Variants in FARS2 observed in about 807,000 individuals in gnomAD.
FARS2 encodes phenylalanine--tRNA ligase, mitochondrial.
A neutral mutation model predicts 46.4 loss-of-function variants in FARS2; 40 were observed. The observed-to-expected ratio is 0.86, with a 90% confidence interval of 0.67 to 1.12. The LOEUF (loss-of-function observed/expected upper bound fraction) is 1.12, where lower values mean the gene tolerates loss of function less well. FARS2 is among the 50% of genes most tolerant of loss of function. The probability of loss-of-function intolerance (pLI) is 0.00; values close to 1 mark genes in which losing one functional copy is unlikely to be tolerated. For synonymous variants in FARS2, 234 were observed against 214.9 expected (o/e 1.09, Z -0.78); for missense variants, 513 against 567.9 (o/e 0.90, Z 0.98).
intron 6 of FARS2, among the ~76,000 whole-genome samples, chr6:5,686,856 A>G (rs1184623495): frequency 6.6e-5 from 10 of 152,204 alleles, no homozygotes; most frequent in Non-Finnish European, 1.3e-4. Context: ...CATCCTCTCC[A>G]GCACCTGTTG....
chr6:5,725,671 C>T (rs1414096728), intron 6 of FARS2, among the ~76,000 whole-genome samples: 1 of 152,210 alleles, frequency 6.6e-6, no homozygotes, highest in Non-Finnish European at 1.5e-5. Context: ...CATGGTGGCT[C>T]ACACCTGTAA....
intron 4 of FARS2, among the ~76,000 whole-genome samples, chr6:5,540,610 G>T (rs776326023): frequency 6.6e-6 from 1 of 152,222 alleles, no homozygotes; most frequent in Non-Finnish European, 1.5e-5. Flanking sequence ...CTTCTCATTA[G>T]CACAGATATA....
chr6:5,695,756 A>G (rs1758063081), intron 6 of FARS2, among the ~76,000 whole-genome samples: 2 of 152,348 alleles, frequency 1.3e-5, no homozygotes, highest in South Asian at 4.1e-4. Context: ...CCATAAAGGA[A>G]AAGAGTGATT....
chr6:5,256,116 T>C (rs1339687645), upstream of FARS2, among the ~76,000 whole-genome samples: 2 of 151,836 alleles, frequency 1.3e-5, no homozygotes, highest in African/African-American at 4.8e-5. Flanking sequence ...GTGAGAAAAT[T>C]AGTGGCTACG....
intron 6 of FARS2, among the ~76,000 whole-genome samples, chr6:5,744,155 G>A (rs1426650031): frequency 6.6e-6 from 1 of 152,202 alleles, no homozygotes; most frequent in Non-Finnish European, 1.5e-5. Flanking sequence ...TCACTCTGGA[G>A]AGAGAAGCCT....
chr6:5,533,968 G>A (rs1770023637), intron 4 of FARS2, among the ~76,000 whole-genome samples: 1 of 152,226 alleles, frequency 6.6e-6, no homozygotes, highest in African/African-American at 2.4e-5. Flanking sequence ...CCTTAAGGAA[G>A]ATTTAGAATA....
intron 6 of FARS2, among the ~76,000 whole-genome samples, chr6:5,696,207 G>A (rs1214544024): frequency 6.6e-6 from 1 of 152,132 alleles, no homozygotes; most frequent in African/African-American, 2.4e-5. Context: ...TTTAATATAG[G>A]TATTCAAAGA....
At chr6:5,485,049 G>C (rs73356312) in intron 4 of FARS2, among the ~76,000 whole-genome samples, 8,523 of 152,180 alleles carry the variant, frequency 0.056, 815 homozygotes, top group African/African-American at 0.2. Flanking sequence ...TCCTCCCAAA[G>C]AGGGAGAAAG....
chr6:5,537,126 C>A (rs977476956), intron 4 of FARS2, among the ~76,000 whole-genome samples: 3 of 152,160 alleles, frequency 2.0e-5, no homozygotes, highest in African/African-American at 7.2e-5. Context: ...AAGTACACTG[C>A]TGCTTGCATA....
chr6:5,559,039 A>T lies in FARS2; in HGVS notation c.1065+13699A>T, dbSNP rs184685709. On this transcript the variant is annotated intron_variant, in intron 5 of 6. Transcript: ENST00000274680. ...GGATTTAACTTGCTGATAAAAATGT[A>T]GAACTGTGTGCCTACCAGCCAGCTA... Among the ~76,000 whole-genome samples, 23 of 152,274 alleles carry T rather than the reference A, an allele frequency of 1.5e-4. No individual in the cohort carries two copies. The East Asian group carries it at 4.2e-3, about 28-fold the overall frequency.
chr6:5,749,315 G>T (rs560291075), intron 6 of FARS2, among the ~76,000 whole-genome samples: 15 of 152,360 alleles, frequency 9.8e-5, no homozygotes, highest in African/African-American at 3.6e-4. Context: ...AGCATTTTCA[G>T]CAGGGTGTGA....
intron 5 of FARS2, among the ~76,000 whole-genome samples, chr6:5,546,728 C>T (rs1285131022): frequency 6.6e-6 from 1 of 151,136 alleles, no homozygotes. Flanking sequence ...CTTTGGGTTG[C>T]TCATCTTTTT....
intron 2 of FARS2, among the ~76,000 whole-genome samples, chr6:5,395,087 G>C (rs1175586883): frequency 1.3e-5 from 2 of 152,128 alleles, no homozygotes; most frequent in Non-Finnish European, 2.9e-5. Context: ...GTCTCGCTCT[G>C]TCACCCAGGC....
At chr6:5,591,193 A>G (rs1773899605) in intron 5 of FARS2, among the ~76,000 whole-genome samples, 4 of 152,208 alleles carry the variant, frequency 2.6e-5, no homozygotes, top group Admixed American at 2.0e-4. Flanking sequence ...AAAGTTATAA[A>G]TTAATTTCCT....
chr6:5,479,644 A>G (rs6930663), intron 4 of FARS2, among the ~76,000 whole-genome samples: 18,107 of 152,260 alleles, frequency 0.12, 1,775 homozygotes, highest in African/African-American at 0.27. Flanking sequence ...TTACAGCTCA[A>G]ATCTCTGCAT....
At chr6:5,600,925 A>T (rs1774472509) in intron 5 of FARS2, among the ~76,000 whole-genome samples, 1 of 152,180 alleles carries the variant, frequency 6.6e-6, no homozygotes, top group Non-Finnish European at 1.5e-5. Context: ...CTAGGGTATT[A>T]GGAAGTGGAG....
At chr6:5,482,364 G>C (rs191833) in intron 4 of FARS2, among the ~76,000 whole-genome samples, 1 of 151,950 alleles carries the variant, frequency 6.6e-6, no homozygotes, top group Non-Finnish European at 1.5e-5. Context: ...CAGGACTGTT[G>C]CTGGATTAAA....
chr6:5,258,662 T>C (rs1282886363), upstream of FARS2, among the ~76,000 whole-genome samples: 1 of 152,200 alleles, frequency 6.6e-6, no homozygotes, highest in Non-Finnish European at 1.5e-5. Context: ...GGAATGTCGG[T>C]TTTTAGGTCT....
At chr6:5,416,265 G>C (rs1762232525) in intron 3 of FARS2, among the ~76,000 whole-genome samples, 1 of 152,092 alleles carries the variant, frequency 6.6e-6, no homozygotes, top group African/African-American at 2.4e-5. Flanking sequence ...AAGTTTTATA[G>C]TTTTCAGTTT....
Sources: allele counts gnomAD v4.1 joint callset (sites outside exome capture counted in the v4.1 genomes callset), GRCh38; gene constraint gnomAD v4.1.1; transcripts MANE v1.5; gene names NCBI Gene and HGNC (gene_info 2026-07-23, HGNC 2026-07-21).